AKAP12: variants seen among roughly 807,000 people sequenced by gnomAD.
The protein encoded by AKAP12 is A-kinase anchoring protein 12.
Under a neutral mutation model 79.9 loss-of-function variants are expected in AKAP12, and 32 were observed. The observed-to-expected ratio is 0.40, with a 90% CI of 0.30 to 0.54. AKAP12 has a LOEUF of 0.54. Ranked by LOEUF, AKAP12 falls within the 20% of genes least tolerant of loss-of-function variation. The pLI, the probability that AKAP12 is intolerant of heterozygous loss-of-function variation, is 0.48. For synonymous variants in AKAP12, 808 were observed against 857.0 expected (o/e 0.94, Z 1.00); for missense variants, 2,074 against 2,177.0 (o/e 0.95, Z 0.94).
intron 2 of AKAP12, among the ~76,000 whole-genome samples, chr6:151,250,729 C>G (rs1797158017): frequency 6.6e-6 from 1 of 151,378 alleles, no homozygotes; most frequent in Non-Finnish European, 1.5e-5. Flanking sequence ...CCTCAGCCTC[C>G]CGAGTAGCTG....
At chr6:151,333,844 T>TG (rs1360159677) in intron 3 of AKAP12, among the ~76,000 whole-genome samples, 1 of 151,124 alleles carries the variant, frequency 6.6e-6, no homozygotes, top group Non-Finnish European at 1.5e-5. Flanking sequence ...CTGGGAAATG[T>TG]GGGGGTGATT....
intron 2 of AKAP12, among the ~76,000 whole-genome samples, chr6:151,270,541 G>T (rs1363360145): frequency 2.6e-5 from 4 of 152,064 alleles, no homozygotes; most frequent in African/African-American, 9.7e-5. Flanking sequence ...ATTTCTCTTG[G>T]GTATTTATCT....
At chr6:151,325,623 G>A in intron 3 of AKAP12, 1 of 1,374,352 alleles carries the variant, frequency 7.3e-7, no homozygotes, top group East Asian at 2.8e-5. Context: ...GGCTGGGTGG[G>A]GGCGTGGGTG....
At chr6:151,254,248 A>C (rs1464116931) in intron 2 of AKAP12, among the ~76,000 whole-genome samples, 1 of 152,114 alleles carries the variant, frequency 6.6e-6, no homozygotes, top group African/African-American at 2.4e-5. Context: ...GTTGACCTTA[A>C]TGTGGGCAAA....
rs142706700 is a variant in AKAP12 at position 151,348,940 on chromosome 6, C to T, written c.549C>T (p.Phe183=). 3 of 1,613,740 alleles carry T rather than the reference C, an allele frequency of 1.9e-6. No individual in the cohort carries two copies. In the African/African-American group the frequency reaches 4.0e-5, roughly 22 times the overall value. Residue 183 remains phenylalanine (F), a synonymous_variant, in exon 4 of 5, where the codon TTC becomes TTT. Transcript: ENST00000402676. ...TGTTTAAGTTTGTTGGCTTTAAATT[C>T]ACTGTGAAAAAGGATAAGACAGAGA... ...KKVFKFVGFK[F]TVKKDKTEKP... is the part of the protein sequence containing the mutation.
intron 3 of AKAP12, among the ~76,000 whole-genome samples, chr6:151,314,184 C>G (rs1001341243): frequency 6.6e-6 from 1 of 151,954 alleles, no homozygotes; most frequent in Non-Finnish European, 1.5e-5. Flanking sequence ...TGCACCACCA[C>G]GCCCAGCTAA....
chr6:151,347,833 T>C (rs1778141195), intron 3 of AKAP12, among the ~76,000 whole-genome samples: 1 of 149,730 alleles, frequency 6.7e-6, no homozygotes, highest in African/African-American at 2.5e-5. Context: ...GGTCAGGAGC[T>C]CAAGACCAGC....
chr6:151,351,773 G>C lies in AKAP12; in HGVS notation c.3382G>C (p.Glu1128Gln). Residue 1128 changes from glutamate to glutamine, a missense_variant, in exon 4 of 5, where the codon GAG (glutamate) becomes CAG (glutamine). Physicochemically the swap from Glu to Gln is conservative, Grantham distance 29. Around this residue, in one of 3 missense-constraint regions of AKAP12, gnomAD observed 1,428 missense variants for 1,451.0 expected, o/e 0.98. Coordinates refer to ENST00000402676, the MANE Select transcript of AKAP12 (RefSeq NM_005100.4). The surrounding 1 kb of genome is among the most constrained non-coding windows in gnomAD (Gnocchi z 4.4). ...ESFEKAPQVT[E>Q]SIESSELVTT... ...CTTTGAAAAAGCTCCTCAAGTCACA[G>C]AGAGCATAGAGTCCAGTGAGCTTGT... 6.2e-7 allele frequency: 1 copy of C among 1,614,198 alleles called. No homozygotes were observed. The highest frequency in any genetic ancestry group is 8.5e-7 in the Non-Finnish European group (1 of 1,180,042).
chr6:151,240,801 G>A (rs116853146), intron 2 of AKAP12, 77 bp downstream of exon 2: 68,574 of 870,734 alleles, frequency 0.079, 6,747 homozygotes, highest in Admixed American at 0.18. Flanking sequence ...GGGTCCCTCC[G>A]ATTTCCGCCG....
intron 2 of AKAP12, among the ~76,000 whole-genome samples, chr6:151,287,425 C>G (rs1314329469): frequency 6.6e-6 from 1 of 151,916 alleles, no homozygotes; most frequent in Non-Finnish European, 1.5e-5. Flanking sequence ...CACGCCCAGC[C>G]AATTTTTGCA....
At chr6:151,292,958 A>T (rs1446509884) in intron 2 of AKAP12, among the ~76,000 whole-genome samples, 1 of 152,178 alleles carries the variant, frequency 6.6e-6, no homozygotes, top group Non-Finnish European at 1.5e-5. Context: ...GGAGCTTCTG[A>T]TACTCCTATC....
intron 2 of AKAP12, among the ~76,000 whole-genome samples, chr6:151,268,948 T>TTG (rs1776114814): frequency 5.1e-5 from 2 of 39,382 alleles, no homozygotes; most frequent in Admixed American, 7.8e-4. Flanking sequence ...TCGGCCTGTT[T>TTG]TTTTTTTTTT....
chr6:151,312,439 C>T (rs1432729777), intron 3 of AKAP12, among the ~76,000 whole-genome samples: 1 of 151,954 alleles, frequency 6.6e-6, no homozygotes, highest in Non-Finnish European at 1.5e-5. Context: ...GATTGCACCA[C>T]TGTACCAGCC....
At chr6:151,269,456 T>TA (rs1776130429) in intron 2 of AKAP12, among the ~76,000 whole-genome samples, 1 of 152,202 alleles carries the variant, frequency 6.6e-6, no homozygotes, top group Non-Finnish European at 1.5e-5. Flanking sequence ...ATTTCATAAT[T>TA]AAAGAATGTA....
intron 4 of AKAP12, among the ~76,000 whole-genome samples, 153 bp downstream of exon 4, chr6:151,353,905 T>G (rs1349241697): frequency 1.3e-5 from 2 of 152,216 alleles, no homozygotes; most frequent in African/African-American, 4.8e-5. Flanking sequence ...AGATCTAGGA[T>G]AGTTTCATGG....
intron 2 of AKAP12, among the ~76,000 whole-genome samples, chr6:151,285,556 C>A (rs917610861): frequency 6.6e-6 from 1 of 151,788 alleles, no homozygotes; most frequent in East Asian, 1.9e-4. Context: ...AAAGTCCTTT[C>A]TTGCGGTGAC....
intron 3 of AKAP12, among the ~76,000 whole-genome samples, chr6:151,306,589 C>T (rs1776983090): frequency 6.6e-6 from 1 of 152,130 alleles, no homozygotes; most frequent in Non-Finnish European, 1.5e-5. Context: ...GATGATTCGG[C>T]ATACGGTAAA....
At chr6:151,252,855 C>A in intron 2 of AKAP12, among the ~76,000 whole-genome samples, 1 of 152,060 alleles carries the variant, frequency 6.6e-6, no homozygotes, top group Admixed American at 6.6e-5. Context: ...TGGCTGGGTG[C>A]ACCTAAAAAA....
intron 2 of AKAP12, among the ~76,000 whole-genome samples, chr6:151,281,585 T>C (rs1776408566): frequency 1.3e-5 from 2 of 152,208 alleles, no homozygotes; most frequent in South Asian, 2.1e-4. Flanking sequence ...ACTCAACCCA[T>C]TGTATTTTGA....
Sources: gnomAD v4.1 joint callset for allele counts (sites outside exome capture counted in the v4.1 genomes callset) on GRCh38, gnomAD v4.1.1 for gene constraint, gnomAD v4.1.1 regional missense constraint, Gnocchi (gnomAD v3.1) non-coding constraint, MANE v1.5 for transcripts, NCBI Gene and HGNC (gene_info 2026-07-23, HGNC 2026-07-21) for gene names.